The following NUP93 variants were observed in gnomAD, a reference collection of about 807,000 sequenced individuals.
NUP93 encodes the protein nuclear pore complex protein Nup93.
In NUP93, 55 loss-of-function variants were observed where a neutral mutation model predicts 107.8. The ratio of observed to expected loss-of-function variants is 0.51; its 90% CI spans 0.41 to 0.64. The LOEUF (loss-of-function observed/expected upper bound fraction) is 0.64, where lower values mean the gene tolerates loss of function less well. NUP93 is among the 30% of genes least tolerant of loss of function. The pLI is 0.00. For synonymous variants in NUP93, 390 were observed against 397.5 expected, an observed-to-expected ratio of 0.98 and a Z score of 0.22; for missense variants, 937 against 1,044.7, an observed-to-expected ratio of 0.90 and a Z score of 1.42.
intron 3 of NUP93, among the ~76,000 whole-genome samples, chr16:56,762,567 G>T (rs1962145763): frequency 6.6e-6 from 1 of 152,154 alleles, no homozygotes; most frequent in Non-Finnish European, 1.5e-5. Context: ...TAAATATGAT[G>T]TATCCCTAAT....
chr16:56,773,832 A>G (rs945861319), intron 3 of NUP93, among the ~76,000 whole-genome samples: 7 of 152,342 alleles, frequency 4.6e-5, no homozygotes, highest in South Asian at 4.1e-4. Context: ...TTCACTAAAC[A>G]AACTGTAAAC....
chr16:56,757,446 GAAAAT>G, intron 2 of NUP93, among the ~76,000 whole-genome samples: 1 of 152,190 alleles, frequency 6.6e-6, no homozygotes, highest in East Asian at 1.9e-4. Flanking sequence ...GACCCTGTCT[GAAAAT>G]AAAATAAAAT....
intron 5 of NUP93, among the ~76,000 whole-genome samples, chr16:56,810,189 G>C (rs73557723): frequency 9.0e-4 from 137 of 152,328 alleles, no homozygotes; most frequent in African/African-American, 2.9e-3. Flanking sequence ...AGAGTAGTTT[G>C]TAAATGTTGG....
In NUP93 at chr16:56,845,002, G is replaced by T; in HGVS notation, c.*393G>T. On this transcript the variant is annotated 3_prime_UTR_variant, in exon 22 of 22. Transcript: ENST00000308159. The stretch of plus-strand genomic sequence containing the variant: ...TAGATATAATATTCCATATAGCAGA[G>T]TCACGATTCATTTTCACATTTTTAT... The T allele has an allele frequency of 3.6e-6, 1 of 275,928 alleles. No individual in the cohort carries two copies. Among genetic ancestry groups the T allele is most frequent in the Non-Finnish European group, 6.7e-6 (1 of 148,290 alleles). The allele number at this position is 275,928 out of a possible 1,614,324, so 17.1% of individuals were successfully genotyped here.
Position 56,829,020 on chromosome 16 carries a change from C to G in NUP93, c.838C>G (p.Gln280Glu), listed in dbSNP as rs781049860. 6.2e-6 allele frequency: 10 copies of G among 1,613,568 alleles called. No homozygotes were observed. The highest frequency in any genetic ancestry group is 1.1e-5 in the South Asian group (1 of 90,936). ...TGTGACTGTCTTTGGAAATTTGCATCAGGCCCAGCTGGGCGGGGTGCCTGG... is the reference window on the plus strand; with the variant it reads ...TGTGACTGTCTTTGGAAATTTGCATGAGGCCCAGCTGGGCGGGGTGCCTGG... Reference protein sequence around the residue: ...TLVTVFGNLHQAQLGGVPGTY... With the variant: ...TLVTVFGNLHEAQLGGVPGTY... Residue 280 changes from glutamine (Q) to glutamate (E), a missense_variant, in exon 9 of 22, where the codon CAG becomes GAG. Gln to Glu is a conservative substitution (Grantham distance 29). Transcript: ENST00000308159.
intron 1 of NUP93, among the ~76,000 whole-genome samples, chr16:56,731,190 C>T (rs1307442780): frequency 6.6e-6 from 1 of 152,180 alleles, no homozygotes; most frequent in East Asian, 1.9e-4. Flanking sequence ...TCACCCCTGA[C>T]TTTTATCCAG....
At chr16:56,730,450 A>C (rs1263854792) in intron 1 of NUP93, among the ~76,000 whole-genome samples, 1 of 152,072 alleles carries the variant, frequency 6.6e-6, no homozygotes, top group Non-Finnish European at 1.5e-5. Flanking sequence ...TTCTGAATGC[A>C]GAACCTAGGC....
intron 1 of NUP93, chr16:56,740,706 A>C (rs8056034): frequency 3.3e-3 from 612 of 184,684 alleles, no homozygotes; most frequent in African/African-American, 0.013. Flanking sequence ...GTGAGCCGAG[A>C]TCACGCCACT....
chr16:56,826,994 C>A (rs903914276), intron 8 of NUP93, among the ~76,000 whole-genome samples: 3 of 133,372 alleles, frequency 2.2e-5, no homozygotes, highest in African/African-American at 8.5e-5. Flanking sequence ...TGCAGTGAGC[C>A]GAGGTGGCGC....
At chr16:56,769,999 A>C (rs1320011788) in intron 3 of NUP93, among the ~76,000 whole-genome samples, 1 of 152,248 alleles carries the variant, frequency 6.6e-6, no homozygotes, top group Non-Finnish European at 1.5e-5. Context: ...AATACAAGAC[A>C]GATTTCTCTA....
intron 1 of NUP93, among the ~76,000 whole-genome samples, chr16:56,739,519 G>T (rs1961672653): frequency 8.4e-6 from 1 of 118,442 alleles, no homozygotes; most frequent in Admixed American, 7.8e-5. Context: ...GGCCGGGCGG[G>T]GGGGCTGACC....
chr16:56,787,576 C>G (rs1962656231), intron 3 of NUP93, among the ~76,000 whole-genome samples: 1 of 151,924 alleles, frequency 6.6e-6, no homozygotes, highest in Non-Finnish European at 1.5e-5. Flanking sequence ...TTCTTTTTTC[C>G]AAAGGGAAAA....
intron 1 of NUP93, among the ~76,000 whole-genome samples, chr16:56,747,013 T>C (rs1320791071): frequency 7.2e-5 from 11 of 151,968 alleles, no homozygotes; most frequent in East Asian, 5.8e-4. Flanking sequence ...TTTTTTTTTT[T>C]CCAAGACAGA....
chr16:56,735,082 G>A (rs188531072), intron 1 of NUP93, among the ~76,000 whole-genome samples: 22 of 152,246 alleles, frequency 1.4e-4, no homozygotes, highest in East Asian at 9.6e-4. Flanking sequence ...AGATGATGTC[G>A]GGCAAATAAA....
chr16:56,734,097 G>C (rs935650602), intron 1 of NUP93, among the ~76,000 whole-genome samples: 1 of 152,238 alleles, frequency 6.6e-6, no homozygotes, highest in Admixed American at 6.5e-5. Context: ...AGCCTGTTAG[G>C]AGACAGACAA....
intron 10 of NUP93, 81 bp downstream of exon 10, chr16:56,830,766 C>T: frequency 7.7e-7 from 1 of 1,291,538 alleles, no homozygotes; most frequent in South Asian, 2.0e-5. Flanking sequence ...TTCTCTTTTC[C>T]CTGGACGGGC....
chr16:56,741,531 T>G (rs1002354443), intron 1 of NUP93, among the ~76,000 whole-genome samples: 1 of 152,238 alleles, frequency 6.6e-6, no homozygotes, highest in Admixed American at 6.5e-5. Flanking sequence ...AAATATGTTT[T>G]TATTTTCCAT....
At chr16:56,757,013 G>A (rs1962036949) in intron 2 of NUP93, among the ~76,000 whole-genome samples, 2 of 152,106 alleles carry the variant, frequency 1.3e-5, no homozygotes, top group South Asian at 2.1e-4. Flanking sequence ...GGCAAGATAC[G>A]GCAACCTGGA....
At chr16:56,784,967 C>T (rs1403647678) in intron 3 of NUP93, among the ~76,000 whole-genome samples, 1 of 152,142 alleles carries the variant, frequency 6.6e-6, no homozygotes, top group African/African-American at 2.4e-5. Context: ...TGGTTAGAAT[C>T]CTACAAGATC....
Sources: gnomAD v4.1 joint callset for allele counts (sites outside exome capture counted in the v4.1 genomes callset) on GRCh38, gnomAD v4.1.1 for gene constraint, MANE v1.5 for transcripts, NCBI Gene and HGNC (gene_info 2026-07-23, HGNC 2026-07-21) for gene names.